EFCAB6: variants seen among roughly 807,000 people sequenced by gnomAD.
EFCAB6 encodes EF-hand calcium-binding domain-containing protein 6.
Under a neutral mutation model 169.8 loss-of-function variants are expected in EFCAB6, and 156 were observed. The ratio of observed to expected loss-of-function variants is 0.92; its 90% confidence interval spans 0.81 to 1.05. EFCAB6 has a LOEUF of 1.05. Among genes scored for constraint, EFCAB6 ranks in the 50% least tolerant of loss-of-function variants. EFCAB6 has a pLI of 0.00. For missense variants in EFCAB6, 1,800 were observed against 1,829.1 expected, an observed-to-expected ratio of 0.98 and a Z score of 0.29; for synonymous variants, 698 against 676.4, an observed-to-expected ratio of 1.03 and a Z score of -0.50.
chr22:43,554,724 C>T, intron 27 of EFCAB6, 145 bp downstream of exon 27: 1 of 691,250 alleles, frequency 1.4e-6, no homozygotes, highest in South Asian at 1.9e-5. Flanking sequence ...TCCTGTGAAT[C>T]TTCAGGAAGA....
At chr22:43,531,942 C>T (rs1372165935) in intron 30 of EFCAB6, 1 of 152,182 alleles carries the variant, frequency 6.6e-6, no homozygotes, top group African/African-American at 2.4e-5. Context: ...GAGAAAGCTC[C>T]CAAATCACCA....
chr22:43,580,187 C>G (rs2050630200), intron 25 of EFCAB6, among the ~76,000 whole-genome samples: 1 of 152,196 alleles, frequency 6.6e-6, no homozygotes, highest in African/African-American at 2.4e-5. Context: ...TGAGCCCACT[C>G]TTGCCCAAGG....
chr22:43,754,365 CG>C, intron 6 of EFCAB6, among the ~76,000 whole-genome samples: 1 of 152,266 alleles, frequency 6.6e-6, no homozygotes, highest in Middle Eastern at 3.4e-3. Flanking sequence ...CAGGTCTGCC[CG>C]GGTCCCGGGG....
At position 43,784,598 on chromosome 22, in the gene EFCAB6, T is replaced by G. The variant is rs1161840197; in HGVS notation, c.-7-2273A>C. ...ACATATACACATATATATGTATATATACACATATATATGTGTATATATACA... is the reference window on the plus strand; with the variant it reads ...ACATATACACATATATATGTATATAGACACATATATATGTGTATATATACA... On this transcript the variant is annotated intron_variant, in intron 2 of 31. Transcript: ENST00000262726. 4.6e-5 allele frequency among the ~76,000 whole-genome samples: 3 copies of G among 64,874 alleles called. No homozygotes were observed. In the South Asian group the frequency reaches 1.8e-3, roughly 39 times the overall value. The allele number at this position is 64,874 out of a possible 152,430, so 42.6% of individuals were successfully genotyped here. A position where few individuals can be genotyped will look rare whatever the true frequency, so the allele number is the denominator to read the frequency against.
chr22:43,626,749 C>A, intron 19 of EFCAB6, 70 bp from the exon 20 acceptor site: 2 of 1,432,224 alleles, frequency 1.4e-6, no homozygotes, highest in Admixed American at 1.8e-5. Flanking sequence ...CACACCCCCA[C>A]GTGTAGAGCC....
chr22:43,784,716 C>T (rs867973312), intron 2 of EFCAB6, among the ~76,000 whole-genome samples: 204 of 125,550 alleles, frequency 1.6e-3, no homozygotes, highest in African/African-American at 4.6e-3. Context: ...CACACACACA[C>T]ACATATATAT....
chr22:43,544,368 C>G (rs543298971), intron 27 of EFCAB6, among the ~76,000 whole-genome samples: 1 of 152,344 alleles, frequency 6.6e-6, no homozygotes, highest in East Asian at 1.9e-4. Flanking sequence ...CCTCGTGTCT[C>G]TGGATGTGGT....
intron 17 of EFCAB6, among the ~76,000 whole-genome samples, chr22:43,651,828 C>T (rs1225968022): frequency 6.6e-6 from 1 of 152,250 alleles, no homozygotes; most frequent in African/African-American, 2.4e-5. Flanking sequence ...GACTGCCCCA[C>T]TGGATTTCAG....
chr22:43,561,522 G>C (rs1417368561), intron 26 of EFCAB6, among the ~76,000 whole-genome samples: 4 of 152,030 alleles, frequency 2.6e-5, no homozygotes, highest in Non-Finnish European at 5.9e-5. Flanking sequence ...CATGGATGCT[G>C]CCGCCCAGAG....
intron 2 of EFCAB6, among the ~76,000 whole-genome samples, chr22:43,789,883 A>C (rs950253965): frequency 2.6e-5 from 4 of 151,040 alleles, no homozygotes; most frequent in African/African-American, 7.3e-5. Context: ...ACACACACAC[A>C]AAAGTCTTCC....
chr22:43,767,344 G>A (rs1343818238), intron 4 of EFCAB6, among the ~76,000 whole-genome samples: 1 of 152,204 alleles, frequency 6.6e-6, no homozygotes, highest in Non-Finnish European at 1.5e-5. Flanking sequence ...GAATGCCTGT[G>A]ACTTCTTTTC....
chr22:43,809,707 A>G lies in EFCAB6; in HGVS notation c.-144-576T>C, dbSNP rs753913741. Among the ~76,000 whole-genome samples, 7 of 152,138 alleles carry G rather than the reference A, an allele frequency of 4.6e-5. No individual in the cohort carries two copies. The East Asian group carries it at 1.3e-3, about 29-fold the overall frequency. On this transcript the variant is annotated intron_variant, in intron 1 of 31. Coordinates refer to ENST00000262726, the MANE Select transcript of EFCAB6 (RefSeq NM_022785.4). ...ACTGCAACCTCCACCTCCCAGGTTC[A>G]AGAGATTCTCCTGCCTCAGCTTCTG...
intron 26 of EFCAB6, chr22:43,570,060 G>A (rs1055414409): frequency 1.6e-4 from 25 of 152,160 alleles, no homozygotes; most frequent in Non-Finnish European, 2.9e-4. Flanking sequence ...GTTCATAAAA[G>A]ATTACAAACA....
intron 12 of EFCAB6, among the ~76,000 whole-genome samples, chr22:43,680,801 T>A (rs1310414493): frequency 1.3e-5 from 2 of 152,356 alleles, no homozygotes; most frequent in Middle Eastern, 3.4e-3. Context: ...TAATCTTATA[T>A]TTCTGCAACC....
chr22:43,698,640 C>T (rs761476267), intron 10 of EFCAB6, among the ~76,000 whole-genome samples: 2 of 152,108 alleles, frequency 1.3e-5, no homozygotes, highest in Non-Finnish European at 2.9e-5. Context: ...GAGGAAATGT[C>T]CTGTGAAGTT....
intron 12 of EFCAB6, among the ~76,000 whole-genome samples, chr22:43,678,401 T>C (rs1278500145): frequency 6.7e-6 from 1 of 150,114 alleles, no homozygotes; most frequent in Non-Finnish European, 1.5e-5. Context: ...GTGCAGTTCC[T>C]ACAATGTTCT....
intron 17 of EFCAB6, among the ~76,000 whole-genome samples, chr22:43,664,423 G>T (rs2057149186): frequency 6.6e-6 from 1 of 152,158 alleles, no homozygotes; most frequent in South Asian, 2.1e-4. Flanking sequence ...AATAGGGGAG[G>T]GCAAGCAAAC....
chr22:43,762,410 A>G (rs2147909358), intron 5 of EFCAB6, among the ~76,000 whole-genome samples: 1 of 152,284 alleles, frequency 6.6e-6, no homozygotes, highest in East Asian at 1.9e-4. Context: ...CCTCAGGGAG[A>G]AGCTGACTTT....
intron 27 of EFCAB6, among the ~76,000 whole-genome samples, chr22:43,546,669 G>A (rs1400893339): frequency 1.3e-5 from 2 of 152,186 alleles, no homozygotes; most frequent in Middle Eastern, 3.4e-3. Flanking sequence ...TCAGGAGTTC[G>A]AGACCAGCTT....
Sources: gnomAD v4.1 joint callset for allele counts (sites outside exome capture counted in the v4.1 genomes callset) on GRCh38, gnomAD v4.1.1 for gene constraint, MANE v1.5 for transcripts, NCBI Gene and HGNC (gene_info 2026-07-23, HGNC 2026-07-21) for gene names.